Variants in ABL1 observed in about 807,000 individuals in gnomAD.
ABL1 encodes the protein ABL proto-oncogene 1, non-receptor tyrosine kinase, also known as tyrosine-protein kinase ABL1.
Under a neutral mutation model 94.7 loss-of-function variants are expected in ABL1, and 11 were observed. That is an observed-to-expected ratio of 0.12 (90% confidence interval 0.07 to 0.19). The LOEUF is 0.19. Ranked by LOEUF, ABL1 falls within the 10% of genes least tolerant of loss-of-function variation. The pLI is 1.00. For missense variants in ABL1, 1,082 were observed against 1,489.4 expected (o/e 0.73, Z 4.50); for synonymous variants, 656 against 622.4 (o/e 1.05, Z -0.80).
At chr9:130,731,152 G>A (rs966522140) in intron 1 of ABL1, among the ~76,000 whole-genome samples, 1 of 150,902 alleles carries the variant, frequency 6.6e-6, no homozygotes, top group Non-Finnish European at 1.5e-5. Flanking sequence ...GATTACAGGC[G>A]CCCACCACCA....
chr9:130,777,063 A>G (rs1829667656), intron 1 of ABL1, among the ~76,000 whole-genome samples: 1 of 152,126 alleles, frequency 6.6e-6, no homozygotes, highest in East Asian at 1.9e-4. Context: ...TTCTCCTAGT[A>G]TCACATTCTT....
intron 1 of ABL1, among the ~76,000 whole-genome samples, chr9:130,771,755 T>TCTTTC (rs1554762488): frequency 8.3e-6 from 1 of 120,744 alleles, no homozygotes; most frequent in Non-Finnish European, 1.7e-5. Context: ...TTTCTTTCTT[T>TCTTTC]TTTTTTTTTT....
At chr9:130,727,871 A>G (rs544375262) in intron 1 of ABL1, among the ~76,000 whole-genome samples, 2 of 151,966 alleles carry the variant, frequency 1.3e-5, no homozygotes, top group East Asian at 3.9e-4. Context: ...TACACAGAAG[A>G]GAATAATAAA....
intron 1 of ABL1, among the ~76,000 whole-genome samples, chr9:130,778,576 T>C (rs1829703272): frequency 6.6e-6 from 1 of 152,056 alleles, no homozygotes; most frequent in Non-Finnish European, 1.5e-5. Context: ...TCTTCATGTT[T>C]GGGGCTCTTC....
At chr9:130,805,697 A>T (rs1188186128) in intron 1 of ABL1, among the ~76,000 whole-genome samples, 1 of 152,178 alleles carries the variant, frequency 6.6e-6, no homozygotes, top group Non-Finnish European at 1.5e-5. Context: ...TGACATGCCA[A>T]CTCAAACCAC....
At chr9:130,805,543 C>T (rs1376913212) in intron 1 of ABL1, among the ~76,000 whole-genome samples, 1 of 152,074 alleles carries the variant, frequency 6.6e-6, no homozygotes, top group Non-Finnish European at 1.5e-5. Flanking sequence ...ATTGATTGAT[C>T]TCCAAAGTTT....
chr9:130,869,122 G>A (rs933309430), intron 4 of ABL1, among the ~76,000 whole-genome samples: 14 of 151,844 alleles, frequency 9.2e-5, no homozygotes, highest in African/African-American at 2.4e-4. Flanking sequence ...AGCCGAGATC[G>A]CGCCACTGCA....
Position 130,884,249 on chromosome 9 carries a change from A to G in ABL1, c.1959A>G (p.Thr653=). 2 of 1,600,432 alleles carry G rather than the reference A, an allele frequency of 1.2e-6. No individual in the cohort carries two copies. Among genetic ancestry groups the G allele is most frequent in the Non-Finnish European group, 1.7e-6 (2 of 1,173,634 alleles). The change falls in exon 11 of 11, where the codon ACA becomes ACG. Residue 653 remains threonine (T), a synonymous_variant. Transcript: ENST00000318560. The surrounding 1 kb of genome is among the most constrained non-coding windows in gnomAD (Gnocchi z 5.6). ...NGALAFTPLD[T]ADPAKSPKPS... Reference sequence around the variant, plus strand: ...CACTGGCTTTCACCCCCTTGGACACAGCTGACCCAGCCAAGTCCCCAAAGC... The same window carrying G: ...CACTGGCTTTCACCCCCTTGGACACGGCTGACCCAGCCAAGTCCCCAAAGC...
intron 8 of ABL1, among the ~76,000 whole-genome samples, chr9:130,879,039 G>T (rs538084975): frequency 2.6e-5 from 4 of 151,796 alleles, no homozygotes; most frequent in African/African-American, 9.7e-5. Flanking sequence ...CACCACGCCC[G>T]GCTAATTTTG....
At chr9:130,760,423 C>A (rs1301325503) in intron 1 of ABL1, among the ~76,000 whole-genome samples, 1 of 152,126 alleles carries the variant, frequency 6.6e-6, no homozygotes, top group Admixed American at 6.6e-5. Flanking sequence ...GGATTTCTTT[C>A]AGTTATCTTA....
At chr9:130,713,233 G>A (rs1831393389) in exon 1 of ABL1, among the ~76,000 whole-genome samples, 3 of 152,150 alleles carry the variant, frequency 2.0e-5, no homozygotes, top group Non-Finnish European at 4.4e-5. Context: ...CAGCGTCCGG[G>A]GCCGGGGGAG....
chr9:130,851,606 G>T (rs865982064), intron 1 of ABL1, among the ~76,000 whole-genome samples: 4 of 151,626 alleles, frequency 2.6e-5, no homozygotes, highest in Admixed American at 1.3e-4. Flanking sequence ...TTCAGAATCA[G>T]TCCCACCCCT....
Position 130,817,282 on chromosome 9 carries a change from G to A in ABL1, c.137-36782G>A, listed in dbSNP as rs2855188. ...TAACATTCTTAAATATCTGCTAGCC[G>A]TAATAAAGAAATCAATGTACTTTAT... On this transcript the variant is annotated intron_variant, in intron 1 of 10. Transcript: ENST00000372348. Among the ~76,000 whole-genome samples, 1,297 of 152,244 alleles carry A rather than the reference G, an allele frequency of 8.5e-3. 9 individuals carry two copies. Among genetic ancestry groups the A allele is most frequent in the Non-Finnish European group, 0.012 (825 of 68,026 alleles).
intron 10 of ABL1, among the ~76,000 whole-genome samples, chr9:130,881,563 C>T (rs1337683977): frequency 1.3e-5 from 2 of 152,158 alleles, no homozygotes; most frequent in Admixed American, 6.5e-5. Flanking sequence ...TTCACTACCA[C>T]GAGAATGTGG....
chr9:130,767,553 G>A (rs948402020), intron 1 of ABL1, among the ~76,000 whole-genome samples: 6 of 152,254 alleles, frequency 3.9e-5, no homozygotes, highest in Non-Finnish European at 2.9e-5. Context: ...GGCTGGTCTC[G>A]AACTCCTGAC....
intron 1 of ABL1, among the ~76,000 whole-genome samples, chr9:130,777,450 CT>C (rs1270993718): frequency 6.7e-5 from 10 of 150,310 alleles, no homozygotes; most frequent in African/African-American, 2.5e-4. Context: ...CCTCTCAGGG[CT>C]TTGTGTTGGG....
At chr9:130,790,858 C>T (rs1242527006) in intron 1 of ABL1, among the ~76,000 whole-genome samples, 2 of 152,110 alleles carry the variant, frequency 1.3e-5, no homozygotes, top group Non-Finnish European at 2.9e-5. Flanking sequence ...TAGGGAATTC[C>T]AGGATCCTGG....
At chr9:130,808,909 G>C (rs1281470844) in intron 1 of ABL1, among the ~76,000 whole-genome samples, 1 of 152,140 alleles carries the variant, frequency 6.6e-6, no homozygotes, top group African/African-American at 2.4e-5. Context: ...GAAGTTATTA[G>C]GTCTAAGGTG....
At chr9:130,753,042 G>A (rs901378080) in intron 1 of ABL1, among the ~76,000 whole-genome samples, 1 of 151,918 alleles carries the variant, frequency 6.6e-6, no homozygotes, top group Non-Finnish European at 1.5e-5. Context: ...GGATCACGAG[G>A]TCAGGAGATC....
Sources: gnomAD v4.1 joint callset for allele counts (sites outside exome capture counted in the v4.1 genomes callset) on GRCh38, gnomAD v4.1.1 for gene constraint, Gnocchi (gnomAD v3.1) non-coding constraint, MANE v1.5 for transcripts, NCBI Gene and HGNC (gene_info 2026-07-23, HGNC 2026-07-21) for gene names.